Variants in TRIM24 observed in about 807,000 individuals in gnomAD.
TRIM24 encodes transcription intermediary factor 1-alpha.
In TRIM24, 29 loss-of-function variants were observed where a neutral mutation model predicts 123.9. The ratio of observed to expected loss-of-function variants is 0.23; its 90% confidence interval spans 0.17 to 0.32. TRIM24 has a LOEUF of 0.32. TRIM24 is among the 10% of genes least tolerant of loss of function. The probability of loss-of-function intolerance (pLI) is 1.00; values close to 1 mark genes in which losing one functional copy is unlikely to be tolerated. For synonymous variants in TRIM24, 456 were observed against 461.1 expected (o/e 0.99, Z 0.14); for missense variants, 932 against 1,295.3 (o/e 0.72, Z 4.31).
chr7:138,576,147 CACA>C (rs1797753524), intron 12 of TRIM24, among the ~76,000 whole-genome samples: 1 of 152,260 alleles, frequency 6.6e-6, no homozygotes, highest in African/African-American at 2.4e-5. Flanking sequence ...GACATTCCTC[CACA>C]ACAAGGAATT....
chr7:138,527,528 G>T (rs748147000), intron 5 of TRIM24, among the ~76,000 whole-genome samples: 14 of 152,008 alleles, frequency 9.2e-5, no homozygotes, highest in Non-Finnish European at 1.9e-4. Flanking sequence ...TTTGAGATTG[G>T]TTGCTTCTCA....
At chr7:138,530,964 A>T (rs1227388851) in intron 6 of TRIM24, among the ~76,000 whole-genome samples, 1 of 151,336 alleles carries the variant, frequency 6.6e-6, no homozygotes, top group Non-Finnish European at 1.5e-5. Flanking sequence ...TTCTTATTTT[A>T]CTTTTTAGAG....
intron 1 of TRIM24, among the ~76,000 whole-genome samples, chr7:138,494,147 A>G (rs1164680834): frequency 2.0e-5 from 3 of 151,866 alleles, no homozygotes; most frequent in African/African-American, 7.3e-5. Flanking sequence ...ATGCCCAGCT[A>G]ATTTTTATAT....
intron 1 of TRIM24, among the ~76,000 whole-genome samples, chr7:138,474,730 CA>C (rs1381401258): frequency 6.6e-6 from 1 of 152,186 alleles, no homozygotes; most frequent in Non-Finnish European, 1.5e-5. Context: ...ACTGCATTGT[CA>C]TTGTCAAAAA....
intron 8 of TRIM24, among the ~76,000 whole-genome samples, chr7:138,553,699 G>C (rs1797258494): frequency 6.6e-6 from 1 of 152,114 alleles, no homozygotes; most frequent in African/African-American, 2.4e-5. Flanking sequence ...TTTTGGGATT[G>C]TTTTTAGAGC....
chr7:138,582,370 G>C (rs1797914687), intron 17 of TRIM24, among the ~76,000 whole-genome samples: 1 of 151,954 alleles, frequency 6.6e-6, no homozygotes, highest in Admixed American at 6.6e-5. Flanking sequence ...GTGAAACCCC[G>C]TCTCTACTAA....
chr7:138,531,486 C>A (rs1403222390), intron 6 of TRIM24, among the ~76,000 whole-genome samples: 2 of 151,416 alleles, frequency 1.3e-5, no homozygotes, highest in Admixed American at 1.3e-4. Flanking sequence ...TTTGTCCCTG[C>A]GATAGTTTGC....
chr7:138,528,943 G>A (rs1796670052), intron 5 of TRIM24, among the ~76,000 whole-genome samples, 173 bp from the exon 6 acceptor site: 2 of 151,800 alleles, frequency 1.3e-5, no homozygotes, highest in African/African-American at 2.4e-5. Flanking sequence ...ATATCTTTCA[G>A]AAGAATTATA....
chr7:138,509,956 G>A (rs992474865), intron 2 of TRIM24, among the ~76,000 whole-genome samples: 1 of 152,150 alleles, frequency 6.6e-6, no homozygotes, highest in African/African-American at 2.4e-5. Context: ...TTTGGCTTGG[G>A]ACTCAGGCTT....
chr7:138,467,343 T>TGTTTTGTTTA (rs1795165089), intron 1 of TRIM24, among the ~76,000 whole-genome samples: 1 of 134,230 alleles, frequency 7.4e-6, no homozygotes, highest in African/African-American at 2.9e-5. Context: ...TGTTTTGTTT[T>TGTTTTGTTTA]GTTTTGTTTT....
intron 2 of TRIM24, among the ~76,000 whole-genome samples, chr7:138,508,700 C>CGCGCGTGCGTGCGTGTGTGT (rs1182276337): frequency 1.4e-4 from 5 of 35,510 alleles, no homozygotes; most frequent in African/African-American, 3.6e-4. Context: ...TGTGCGCGCG[C>CGCGCGTGCGTGCGTGTGTGT]GTGTGTGCGT....
At chr7:138,534,328 C>T (rs1796817310) in intron 6 of TRIM24, among the ~76,000 whole-genome samples, 1 of 152,182 alleles carries the variant, frequency 6.6e-6, no homozygotes, top group Non-Finnish European at 1.5e-5. Flanking sequence ...TTAGATCTTT[C>T]CTGCTTTCTC....
intron 7 of TRIM24, among the ~76,000 whole-genome samples, chr7:138,544,858 C>T (rs756072347): frequency 4.6e-5 from 7 of 152,146 alleles, no homozygotes; most frequent in South Asian, 2.1e-4. Context: ...TTCTTAATCA[C>T]GTTATTTGGG....
intron 3 of TRIM24, among the ~76,000 whole-genome samples, chr7:138,515,678 G>C (rs946015569): frequency 6.6e-6 from 1 of 152,050 alleles, no homozygotes; most frequent in African/African-American, 2.4e-5. Context: ...CAAAGAGTGG[G>C]CTTAAATATT....
At chr7:138,478,363 T>C (rs1795448850) in intron 1 of TRIM24, among the ~76,000 whole-genome samples, 1 of 150,658 alleles carries the variant, frequency 6.6e-6, no homozygotes, top group African/African-American at 2.4e-5. Context: ...TATTTTGTTT[T>C]GGGCACAGTG....
chr7:138,460,393 G>GC lies in TRIM24; in HGVS notation c.-155dup. 1.3e-6 allele frequency: 1 copy of GC among 768,914 alleles called. No homozygotes were observed. Among genetic ancestry groups the GC allele is most frequent in the Non-Finnish European group, 1.8e-6 (1 of 564,150 alleles). The allele number at this position is 768,914 out of a possible 1,614,324, so 47.6% of individuals were successfully genotyped here. On this transcript the variant is annotated 5_prime_UTR_variant, in exon 1 of 19. Coordinates refer to ENST00000343526, the MANE Select transcript of TRIM24 (RefSeq NM_015905.3). ...AGGCGGATCCCGTGGGCCTGAGGAG[G>GC]CTTCCCCCGCCCGGTTTGCTTTCCC...
At chr7:138,576,530 AAT>A in intron 13 of TRIM24, 85 bp downstream of exon 13, 1 of 1,162,720 alleles carries the variant, frequency 8.6e-7, no homozygotes, top group Non-Finnish European at 1.3e-6. Flanking sequence ...TTTGATACTC[AAT>A]ATATTTTGAA....
rs533730998 is a variant in TRIM24 at position 138,585,636 on chromosome 7, G to T, written c.*685G>T. 3.0e-5 allele frequency: 11 copies of T among 366,660 alleles called. No homozygotes were observed. Among genetic ancestry groups the T allele is most frequent in the South Asian group, 2.3e-4 (10 of 43,696 alleles). The allele number at this position is 366,660 out of a possible 1,614,324, so 22.7% of individuals were successfully genotyped here. A position where few individuals can be genotyped will look rare whatever the true frequency, so the allele number is the denominator to read the frequency against. ...TTATCTTGTCTGTAGAGGTATTTTG[G>T]TATAGCAGGTTTTCAAGGCCATTTT... On this transcript the variant is annotated 3_prime_UTR_variant, in exon 19 of 19. Transcript: ENST00000343526.
chr7:138,573,771 A>G, intron 12 of TRIM24, 129 bp downstream of exon 12: 2 of 1,052,266 alleles, frequency 1.9e-6, no homozygotes, highest in Non-Finnish European at 2.7e-6. Flanking sequence ...TAAAATTAGT[A>G]TGCTTTCAGA....
Sources: allele counts gnomAD v4.1 joint callset (sites outside exome capture counted in the v4.1 genomes callset), GRCh38; gene constraint gnomAD v4.1.1; transcripts MANE v1.5; gene names NCBI Gene and HGNC (gene_info 2026-07-23, HGNC 2026-07-21).